SGCZ: variants seen among roughly 807,000 people sequenced by gnomAD.
SGCZ encodes sarcoglycan zeta.
SGCZ carries 40 observed loss-of-function variants against 41.3 expected under a neutral mutation model. That is an observed-to-expected ratio of 0.97 (90% CI 0.75 to 1.26). SGCZ has a LOEUF of 1.26. Among genes scored for constraint, SGCZ ranks in the 50% most tolerant of loss-of-function variants. The pLI, the probability that SGCZ is intolerant of heterozygous loss-of-function variation, is 0.00. For synonymous variants in SGCZ, 206 were observed against 137.5 expected (o/e 1.50, Z -3.49); for missense variants, 552 against 369.8 (o/e 1.49, Z -4.04).
chr8:14,259,036 T>C (rs528411379), intron 3 of SGCZ, among the ~76,000 whole-genome samples: 84 of 152,316 alleles, frequency 5.5e-4, no homozygotes, highest in Non-Finnish European at 7.8e-4. Flanking sequence ...TTCCAAAACG[T>C]GCTAAAAGTC....
chr8:15,113,749 A>G (rs773574769), intron 1 of SGCZ, among the ~76,000 whole-genome samples: 79 of 152,246 alleles, frequency 5.2e-4, no homozygotes, highest in Middle Eastern at 6.8e-3. Context: ...TCATGTCCAA[A>G]CTTGACCCTC....
intron 1 of SGCZ, among the ~76,000 whole-genome samples, chr8:14,785,597 T>C (rs1317271431): frequency 6.6e-6 from 1 of 152,160 alleles, no homozygotes; most frequent in African/African-American, 2.4e-5. Flanking sequence ...GACCCCAGCA[T>C]GTGGATCTTT....
At chr8:14,861,443 G>A (rs1260672893) in intron 1 of SGCZ, among the ~76,000 whole-genome samples, 3 of 152,088 alleles carry the variant, frequency 2.0e-5, no homozygotes, top group Non-Finnish European at 4.4e-5. Flanking sequence ...ATATATGTAT[G>A]AGCTACAAAA....
At chr8:14,247,316 C>A (rs1387636248) in intron 3 of SGCZ, among the ~76,000 whole-genome samples, 1 of 152,064 alleles carries the variant, frequency 6.6e-6, no homozygotes, top group East Asian at 1.9e-4. Context: ...CAGAGTAGTC[C>A]CCATCCTGAA....
At chr8:14,308,977 A>G in intron 3 of SGCZ, 1 of 732,234 alleles carries the variant, frequency 1.4e-6, no homozygotes, top group East Asian at 2.5e-5. Flanking sequence ...CAGTGTCTTG[A>G]GGATGAATTC....
chr8:14,533,344 G>C (rs182732767), intron 2 of SGCZ, among the ~76,000 whole-genome samples: 4 of 151,640 alleles, frequency 2.6e-5, no homozygotes, highest in Non-Finnish European at 4.4e-5. Context: ...AAAAAAATTG[G>C]ACCTTTTCTT....
At chr8:14,970,009 C>T (rs1801238932) in intron 1 of SGCZ, among the ~76,000 whole-genome samples, 1 of 152,078 alleles carries the variant, frequency 6.6e-6, no homozygotes, top group Non-Finnish European at 1.5e-5. Context: ...ACATACCCTC[C>T]AACACTTAGT....
intron 1 of SGCZ, among the ~76,000 whole-genome samples, chr8:15,151,915 G>A (rs1799190160): frequency 6.6e-6 from 1 of 152,070 alleles, no homozygotes; most frequent in Non-Finnish European, 1.5e-5. Context: ...TAATCCATGT[G>A]TAAACCACAT....
rs1802263427 is a variant in SGCZ, at chr8:14,108,155, G to C, written c.620+8C>G. On this transcript the variant is annotated splice_region_variant and intron_variant, in intron 6 of 7. Transcript: ENST00000382080. ...TTTTATGCCACAGGTATAAGAGGAAGCCCTTACCTGAGATCTTGGGATGGC... is the reference window on the plus strand; with the variant it reads ...TTTTATGCCACAGGTATAAGAGGAACCCCTTACCTGAGATCTTGGGATGGC... 6.2e-7 allele frequency: 1 copy of C among 1,613,558 alleles called. No individual in the cohort carries two copies. The highest frequency in any genetic ancestry group is 1.1e-5 in the South Asian group (1 of 91,068).
intron 7 of SGCZ, among the ~76,000 whole-genome samples, chr8:14,095,492 T>C (rs1259335046): frequency 6.6e-6 from 1 of 152,162 alleles, no homozygotes; most frequent in African/African-American, 2.4e-5. Flanking sequence ...ACCATGCTGT[T>C]TTGGTTACTG....
chr8:14,643,117 A>C (rs951583427), intron 1 of SGCZ, among the ~76,000 whole-genome samples: 3 of 151,678 alleles, frequency 2.0e-5, no homozygotes, highest in Non-Finnish European at 2.9e-5. Context: ...TTCTTCCAAA[A>C]GAATAAATTT....
intron 1 of SGCZ, among the ~76,000 whole-genome samples, chr8:14,615,248 G>C (rs918176362): frequency 5.3e-5 from 8 of 152,120 alleles, no homozygotes; most frequent in African/African-American, 1.2e-4. Flanking sequence ...ATCTAACATA[G>C]TTTAGTTCAA....
chr8:14,527,614 G>A (rs1468219180), intron 2 of SGCZ, among the ~76,000 whole-genome samples: 3 of 152,092 alleles, frequency 2.0e-5, no homozygotes, highest in Admixed American at 6.6e-5. Flanking sequence ...GCTGCTGGCA[G>A]TGGTAGCCAC....
intron 4 of SGCZ, among the ~76,000 whole-genome samples, chr8:14,180,042 A>C (rs1230813701): frequency 6.6e-6 from 1 of 152,172 alleles, no homozygotes; most frequent in East Asian, 1.9e-4. Flanking sequence ...TTGTGGCAAA[A>C]ATAACCAATG....
intron 1 of SGCZ, among the ~76,000 whole-genome samples, chr8:15,228,523 A>T (rs1271764608): frequency 1.3e-5 from 2 of 152,222 alleles, no homozygotes; most frequent in Non-Finnish European, 2.9e-5. Context: ...AATAGATTTG[A>T]AAACTTTAAA....
At chr8:14,399,294 T>C (rs1390711573) in intron 2 of SGCZ, among the ~76,000 whole-genome samples, 2 of 152,156 alleles carry the variant, frequency 1.3e-5, no homozygotes, top group African/African-American at 4.8e-5. Context: ...ATTGCTTAGA[T>C]GACTAGTAAA....
intron 1 of SGCZ, among the ~76,000 whole-genome samples, chr8:14,737,202 G>C (rs910427652): frequency 2.7e-5 from 4 of 148,250 alleles, no homozygotes; most frequent in Non-Finnish European, 4.5e-5. Flanking sequence ...TGTATGATGG[G>C]ATAAATGATA....
chr8:14,748,805 G>T (rs1411423794), intron 1 of SGCZ, among the ~76,000 whole-genome samples: 2 of 151,996 alleles, frequency 1.3e-5, no homozygotes, highest in Non-Finnish European at 2.9e-5. Context: ...CATGTGCCTG[G>T]TATTATATGG....
chr8:14,314,861 G>T (rs1251902334), intron 3 of SGCZ, among the ~76,000 whole-genome samples: 1 of 152,128 alleles, frequency 6.6e-6, no homozygotes, highest in Non-Finnish European at 1.5e-5. Context: ...TCACCACTGG[G>T]TGTCTCTTAA....
Sources: allele counts gnomAD v4.1 joint callset (sites outside exome capture counted in the v4.1 genomes callset), GRCh38; gene constraint gnomAD v4.1.1; transcripts MANE v1.5; gene names NCBI Gene and HGNC (gene_info 2026-07-23, HGNC 2026-07-21).